Variants in GHR observed in about 807,000 individuals in gnomAD.
GHR encodes the protein GH receptor.
In GHR, 35 loss-of-function variants were observed where a neutral mutation model predicts 67.1. The ratio of observed to expected loss-of-function variants is 0.52; its 90% confidence interval spans 0.40 to 0.69. The LOEUF (loss-of-function observed/expected upper bound fraction) is 0.69. GHR is among the 30% of genes least tolerant of loss of function. GHR has a pLI of 0.00. For missense variants in GHR, 792 were observed against 764.6 expected (o/e 1.04, Z -0.42); for synonymous variants, 272 against 269.1 (o/e 1.01, Z -0.10).
At chr5:42,486,371 T>G (rs1402237205) in intron 1 of GHR, among the ~76,000 whole-genome samples, 1 of 152,216 alleles carries the variant, frequency 6.6e-6, no homozygotes, top group African/African-American at 2.4e-5. Flanking sequence ...CTCAATTGCT[T>G]TTTATTCTCT....
intron 1 of GHR, among the ~76,000 whole-genome samples, chr5:42,516,621 G>A (rs1250683844): frequency 6.6e-6 from 1 of 152,188 alleles, no homozygotes; most frequent in African/African-American, 2.4e-5. Flanking sequence ...CAAGGAAGTG[G>A]GAGATGAAGA....
intron 1 of GHR, chr5:42,548,326 T>C (rs1437733737): frequency 2.2e-5 from 22 of 985,108 alleles, no homozygotes; most frequent in Non-Finnish European, 2.7e-5. Flanking sequence ...GATTAATACA[T>C]GCCAAGTGGT....
chr5:42,647,273 A>G (rs1241099909), intron 3 of GHR, among the ~76,000 whole-genome samples: 1 of 152,100 alleles, frequency 6.6e-6, no homozygotes, highest in African/African-American at 2.4e-5. Flanking sequence ...TTGTGCAATG[A>G]TATTAATAAT....
chr5:42,548,622 C>A (rs763427099), intron 1 of GHR: 29 of 323,930 alleles, frequency 9.0e-5, no homozygotes, highest in Non-Finnish European at 1.2e-4. Context: ...AGATATAAAT[C>A]TTTAATATAT....
chr5:42,536,942 C>T (rs561679302), intron 1 of GHR, among the ~76,000 whole-genome samples: 10 of 152,028 alleles, frequency 6.6e-5, no homozygotes, highest in South Asian at 2.1e-4. Flanking sequence ...TTCTAGTTTA[C>T]GTGCACAAAG....
At chr5:42,606,852 G>A (rs1423186251) in intron 2 of GHR, among the ~76,000 whole-genome samples, 1 of 151,976 alleles carries the variant, frequency 6.6e-6, no homozygotes, top group Non-Finnish European at 1.5e-5. Flanking sequence ...TGAGGGAATT[G>A]GGGTAGGAAG....
chr5:42,452,036 A>G, intron 1 of GHR, among the ~76,000 whole-genome samples: 1 of 152,104 alleles, frequency 6.6e-6, no homozygotes, highest in African/African-American at 2.4e-5. Context: ...GTTTGGGTGT[A>G]TTTCAAGGTT....
chr5:42,577,760 A>G (rs1267574509), intron 2 of GHR, among the ~76,000 whole-genome samples: 1 of 152,214 alleles, frequency 6.6e-6, no homozygotes, highest in Non-Finnish European at 1.5e-5. Flanking sequence ...GGTGCTAGCT[A>G]CACCCAAGAG....
At chr5:42,440,627 G>C (rs558075887) in intron 1 of GHR, among the ~76,000 whole-genome samples, 1 of 152,284 alleles carries the variant, frequency 6.6e-6, no homozygotes, top group South Asian at 2.1e-4. Flanking sequence ...AATCAGGTCT[G>C]CATTTTAAGG....
intron 1 of GHR, among the ~76,000 whole-genome samples, chr5:42,474,287 A>G (rs10473285): frequency 2.0e-3 from 52 of 26,628 alleles, no homozygotes; most frequent in African/African-American, 7.5e-3. Context: ...AAGAAAGAAA[A>G]AGAGAAAGAG....
chr5:42,610,788 G>A (rs1752855249), intron 2 of GHR, among the ~76,000 whole-genome samples: 1 of 152,116 alleles, frequency 6.6e-6, no homozygotes, highest in Non-Finnish European at 1.5e-5. Context: ...TTTTGGCAAG[G>A]CTGATGGGGA....
At chr5:42,489,725 TG>T (rs1353398746) in intron 1 of GHR, among the ~76,000 whole-genome samples, 4 of 152,250 alleles carry the variant, frequency 2.6e-5, no homozygotes, top group African/African-American at 9.6e-5. Context: ...TTTATTAGTC[TG>T]GATGTCTCAT....
intron 2 of GHR, among the ~76,000 whole-genome samples, chr5:42,625,490 A>C (rs4073476): frequency 0.32 from 48,020 of 151,890 alleles, 8,274 homozygotes; most frequent in African/African-American, 0.46. Context: ...ATGTGAGTGA[A>C]CATGGCCTGT....
intron 3 of GHR, among the ~76,000 whole-genome samples, chr5:42,656,438 G>A (rs1297900471): frequency 6.6e-6 from 1 of 152,060 alleles, no homozygotes; most frequent in African/African-American, 2.4e-5. Flanking sequence ...GCCAGCTCTT[G>A]TTAATGTTCT....
chr5:42,590,124 G>A (rs1037370986), intron 2 of GHR, among the ~76,000 whole-genome samples: 3 of 152,194 alleles, frequency 2.0e-5, no homozygotes, highest in Admixed American at 2.0e-4. Context: ...AAATGTGAAG[G>A]TGAGAATAAG....
intron 1 of GHR, among the ~76,000 whole-genome samples, chr5:42,539,249 T>C (rs185339206): frequency 6.6e-6 from 1 of 152,290 alleles, no homozygotes; most frequent in Admixed American, 6.5e-5. Context: ...TTGGGGGGTG[T>C]TAAAGAGCCT....
chr5:42,548,072 T>C lies in GHR; in HGVS notation c.-11-17792T>C, dbSNP rs548098238. ...TTCTCAGCTGATTTGGCTGCCTCCA[T>C]TGTAATAGGCCTCATGAGACTCCAG... On this transcript the variant is annotated intron_variant, in intron 1 of 9. Coordinates refer to ENST00000230882, the MANE Select transcript of GHR (RefSeq NM_000163.5). 6.1e-6 allele frequency: 6 copies of C among 985,190 alleles called. No homozygotes were observed. The South Asian group carries it at 1.9e-4, about 31-fold the overall frequency. 61.0% of individuals were successfully genotyped at this position (985,190 alleles called of 1,614,324 possible).
intron 1 of GHR, among the ~76,000 whole-genome samples, chr5:42,540,334 G>T (rs1484339614): frequency 4.6e-5 from 7 of 151,920 alleles, no homozygotes; most frequent in African/African-American, 1.7e-4. Flanking sequence ...AGCTAAAAAT[G>T]CAAAGGTTTT....
intron 1 of GHR, among the ~76,000 whole-genome samples, chr5:42,431,653 T>C (rs1226314770): frequency 6.6e-6 from 1 of 152,230 alleles, no homozygotes; most frequent in African/African-American, 2.4e-5. Context: ...CTTTTGTTGT[T>C]GATAAGACTT....
Sources: gnomAD v4.1 joint callset for allele counts (sites outside exome capture counted in the v4.1 genomes callset) on GRCh38, gnomAD v4.1.1 for gene constraint, MANE v1.5 for transcripts, NCBI Gene and HGNC (gene_info 2026-07-23, HGNC 2026-07-21) for gene names.